Variants in CHTF8 observed in about 807,000 individuals in gnomAD.
The protein encoded by CHTF8 is chromosome transmission fidelity protein 8 homolog.
In CHTF8, 6 loss-of-function variants were observed where a neutral mutation model predicts 11.0. That is an observed-to-expected ratio of 0.55 (90% CI 0.30 to 1.08). The LOEUF is 1.08. CHTF8 is among the 50% of genes least tolerant of loss of function. The pLI is 0.07. For synonymous variants in CHTF8, 53 were observed against 60.5 expected, an observed-to-expected ratio of 0.88 and a Z score of 0.57; for missense variants, 140 against 153.1, an observed-to-expected ratio of 0.91 and a Z score of 0.45.
chr16:69,129,200 G>A (rs1476411499), intron 1 of CHTF8, among the ~76,000 whole-genome samples: 2 of 152,108 alleles, frequency 1.3e-5, no homozygotes, highest in Admixed American at 1.3e-4. Context: ...GGAGGCCGAG[G>A]CGGGCAGATC....
In CHTF8 at chr16:69,119,268, C is replaced by T; in HGVS notation, c.*1157G>A. ...GATTTGAGCCCTGGAGGCCAGCGGA[C>T]CTTTGGAAGGTAGCTGGGTTTGATG... On this transcript the variant is annotated 3_prime_UTR_variant, in exon 4 of 4. Transcript: ENST00000448552. 1 of 703,032 alleles carries T rather than the reference C, an allele frequency of 1.4e-6. No individual in the cohort carries two copies. The highest frequency in any genetic ancestry group is 2.6e-6 in the Non-Finnish European group (1 of 384,996). 43.5% of individuals were successfully genotyped at this position (703,032 alleles called of 1,614,324 possible).
chr16:69,129,100 C>T (rs1229246602), intron 1 of CHTF8, among the ~76,000 whole-genome samples: 1 of 150,632 alleles, frequency 6.6e-6, no homozygotes, highest in African/African-American at 2.5e-5. Flanking sequence ...AAAAAAAAAA[C>T]TGGCAAATCA....
chr16:69,122,560 G>A (rs6499219), intron 1 of CHTF8, among the ~76,000 whole-genome samples: 107,357 of 143,982 alleles, frequency 0.75, 40,669 homozygotes, highest in African/African-American at 0.89. Context: ...TTTTTTTTTG[G>A]GAGGGAGTCT....
At chr16:69,126,756 A>T (rs1962088461) in intron 1 of CHTF8, among the ~76,000 whole-genome samples, 1 of 152,202 alleles carries the variant, frequency 6.6e-6, no homozygotes, top group Non-Finnish European at 1.5e-5. Context: ...CCTTTAGTGA[A>T]TTTTAAAATT....
Position 69,119,324 on chromosome 16 carries a change from ATGAACC to A in CHTF8, c.*1095_*1100del. The stretch of plus-strand genomic sequence containing the variant: ...GTGCCAGAAGACTGAGAAAAGGCAG[ATGAACC>A]TGCTCCCCTGGGAAAGGGATTGGCA... On this transcript the variant is annotated 3_prime_UTR_variant, in exon 4 of 4. Transcript: ENST00000448552. 2.8e-6 allele frequency: 2 copies of A among 703,084 alleles called. No individual in the cohort carries two copies. The highest frequency in any genetic ancestry group is 5.2e-6 in the Non-Finnish European group (2 of 385,030). The allele number at this position is 703,084 out of a possible 1,614,324, so 43.6% of individuals were successfully genotyped here.
chr16:69,129,664 T>C (rs1278041177), intron 1 of CHTF8, among the ~76,000 whole-genome samples: 2 of 152,160 alleles, frequency 1.3e-5, no homozygotes, highest in African/African-American at 4.8e-5. Context: ...AGTGGAGAGC[T>C]GGGATATGAA....
intron 1 of CHTF8, 48 bp from the exon 2 acceptor site, chr16:69,121,541 T>C: frequency 9.0e-7 from 1 of 1,107,060 alleles, no homozygotes; most frequent in Non-Finnish European, 1.3e-6. Flanking sequence ...CAACAACTAA[T>C]AATGACACCT....
chr16:69,128,510 T>C (rs1286559052), intron 1 of CHTF8, among the ~76,000 whole-genome samples: 1 of 152,208 alleles, frequency 6.6e-6, no homozygotes, highest in Non-Finnish European at 1.5e-5. Context: ...GTTTTCTACT[T>C]GATCTTTATG....
At position 69,118,870 on chromosome 16, in the gene CHTF8, C is replaced by A. The variant is rs1275031295; in HGVS notation, c.*1555G>T. ...AAATGGTGTTTAAGGGGGCAACATTCCATTTGGGTACATTGCAGCCATTGG... is the reference window on the plus strand; with the variant it reads ...AAATGGTGTTTAAGGGGGCAACATTACATTTGGGTACATTGCAGCCATTGG... On this transcript the variant is annotated 3_prime_UTR_variant, in exon 4 of 4. Coordinates refer to ENST00000448552, the MANE Select transcript of CHTF8 (RefSeq NM_001039690.5). 1.4e-6 allele frequency: 1 copy of A among 702,630 alleles called. No individual in the cohort carries two copies. Among genetic ancestry groups the A allele is most frequent in the East Asian group, 2.7e-5 (1 of 37,278 alleles). The allele number at this position is 702,630 out of a possible 1,614,324, so 43.5% of individuals were successfully genotyped here.
intron 1 of CHTF8, among the ~76,000 whole-genome samples, chr16:69,125,922 T>C (rs562496515): frequency 2.6e-4 from 40 of 152,334 alleles, no homozygotes; most frequent in African/African-American, 9.1e-4. Context: ...TGAGGTGCTT[T>C]AAAGACCCCA....
rs1476581404 is a variant in CHTF8, at chr16:69,119,352, G to A, written c.*1073C>T. On this transcript the variant is annotated 3_prime_UTR_variant, in exon 4 of 4. Coordinates refer to ENST00000448552, the MANE Select transcript of CHTF8 (RefSeq NM_001039690.5). ...AACCTGCTCCCCTGGGAAAGGGATT[G>A]GCATTTACCCCCATGGGGCCAACTG... is the stretch of plus-strand genomic sequence containing the variant. 1.4e-6 allele frequency: 1 copy of A among 703,092 alleles called. No individual in the cohort carries two copies. The highest frequency in any genetic ancestry group is 1.5e-5 in the South Asian group (1 of 67,596). The allele number at this position is 703,092 out of a possible 1,614,324, so 43.6% of individuals were successfully genotyped here. A position where few individuals can be genotyped will look rare whatever the true frequency, so the allele number is the denominator to read the frequency against.
In CHTF8 at chr16:69,120,374, G is replaced by T; in HGVS notation, c.*51C>A. The T allele has an allele frequency of 6.3e-7, 1 of 1,578,218 alleles. No homozygotes were observed. The highest frequency in any genetic ancestry group is 8.7e-7 in the Non-Finnish European group (1 of 1,147,532). On this transcript the variant is annotated 3_prime_UTR_variant, in exon 4 of 4. Coordinates refer to ENST00000448552, the MANE Select transcript of CHTF8 (RefSeq NM_001039690.5). This position sits in a 1 kb window ranked among gnomAD's most constrained non-coding sequence, Gnocchi z 4.0. ...TCGAGCCGTCCTCGAGGTGGCAGCG[G>T]AGCACGAGTCCAAGGAGTTGGCCGC...
In CHTF8 at chr16:69,120,641, A is replaced by C. The variant is rs1961583074; in HGVS notation, c.150T>G (p.Pro50=). ...GDLHYTTEGI[P]VLIVGHHILY... ...GGATATGATGCCCCACGATCAGCAC[A>C]GGGATTCCCTTTGGCAGAACAAGAA... Residue 50 remains proline (P), a synonymous_variant, in exon 4 of 4, where the codon CCT becomes CCG. Transcript: ENST00000448552. This position sits in a 1 kb window ranked among gnomAD's most constrained non-coding sequence, Gnocchi z 4.0. 3 of 1,608,306 alleles carry C rather than the reference A, an allele frequency of 1.9e-6. No individual in the cohort carries two copies. Among genetic ancestry groups the C allele is most frequent in the Admixed American group, 1.7e-5 (1 of 59,888 alleles).
chr16:69,128,343 CAA>C (rs1309901599), intron 1 of CHTF8, among the ~76,000 whole-genome samples: 1 of 152,138 alleles, frequency 6.6e-6, no homozygotes, highest in Admixed American at 6.5e-5. Context: ...TGTAGCTTTT[CAA>C]AAAGATTTAA....
chr16:69,120,403 C>T lies in CHTF8; in HGVS notation c.*22G>A, dbSNP rs751912452. ...ACGAGTCCAAGGAGTTGGCCGCTCT[C>T]TAGGGAAAATCCGAGGTTCTTTCAT... On this transcript the variant is annotated 3_prime_UTR_variant, in exon 4 of 4. Coordinates refer to ENST00000448552, the MANE Select transcript of CHTF8 (RefSeq NM_001039690.5). This position sits in a 1 kb window ranked among gnomAD's most constrained non-coding sequence, Gnocchi z 4.0. 3 of 1,613,328 alleles carry T rather than the reference C, an allele frequency of 1.9e-6. No homozygotes were observed. Among genetic ancestry groups the T allele is most frequent in the Admixed American group, 1.7e-5 (1 of 60,026 alleles).
chr16:69,118,910 G>A lies in CHTF8; in HGVS notation c.*1515C>T. The A allele has an allele frequency of 1.4e-6, 1 of 703,150 alleles. No homozygotes were observed. The allele number at this position is 703,150 out of a possible 1,614,324, so 43.6% of individuals were successfully genotyped here. A position where few individuals can be genotyped will look rare whatever the true frequency, so the allele number is the denominator to read the frequency against. ...GCAGCCATTGGACCCCCTGGTCTGG[G>A]GAAAGCAGCTGGGTTTGTGCCAGGG... On this transcript the variant is annotated 3_prime_UTR_variant, in exon 4 of 4. Transcript: ENST00000448552.
chr16:69,122,724 T>C (rs1961771615), intron 1 of CHTF8, among the ~76,000 whole-genome samples: 1 of 152,118 alleles, frequency 6.6e-6, no homozygotes, highest in South Asian at 2.1e-4. Context: ...GTATTTTTAG[T>C]AGAGACGAGG....
chr16:69,131,104 C>T (rs1040556465), intron 1 of CHTF8, among the ~76,000 whole-genome samples: 1 of 152,168 alleles, frequency 6.6e-6, no homozygotes, highest in Non-Finnish European at 1.5e-5. Context: ...GCTTATGTTA[C>T]TAAGTCTAAA....
chr16:69,118,796 C>G lies in CHTF8; in HGVS notation c.*1629G>C. ...ACAACTACCCTTTTACCTAAGACAG[C>G]CCCTGCCAAGAACCACAGTGCCTAG... On this transcript the variant is annotated 3_prime_UTR_variant, in exon 4 of 4. Transcript: ENST00000448552. 1 of 657,662 alleles carries G rather than the reference C, an allele frequency of 1.5e-6. No homozygotes were observed. Among genetic ancestry groups the G allele is most frequent in the Non-Finnish European group, 2.7e-6 (1 of 363,650 alleles). 40.7% of individuals were successfully genotyped at this position (657,662 alleles called of 1,614,324 possible). A position where few individuals can be genotyped will look rare whatever the true frequency, so the allele number is the denominator to read the frequency against.
Sources: gnomAD v4.1 joint callset for allele counts (sites outside exome capture counted in the v4.1 genomes callset) on GRCh38, gnomAD v4.1.1 for gene constraint, Gnocchi (gnomAD v3.1) non-coding constraint, MANE v1.5 for transcripts, NCBI Gene and HGNC (gene_info 2026-07-23, HGNC 2026-07-21) for gene names.